PDZD2: variants seen among roughly 807,000 people sequenced by gnomAD.
The protein encoded by PDZD2 is PDZ domain-containing protein 2.
PDZD2 carries 90 observed loss-of-function variants against 220.7 expected under a neutral mutation model. The ratio of observed to expected loss-of-function variants is 0.41; its 90% CI spans 0.34 to 0.49. PDZD2 has a LOEUF of 0.49. Among genes scored for constraint, PDZD2 ranks in the 20% least tolerant of loss-of-function variants. The pLI is 0.28. For synonymous variants in PDZD2, 1,375 were observed against 1,450.5 expected (o/e 0.95, Z 1.18); for missense variants, 3,174 against 3,608.5 (o/e 0.88, Z 3.08).
At chr5:31,751,194 T>G (rs142725006) in intron 1 of PDZD2, among the ~76,000 whole-genome samples, 2,771 of 145,826 alleles carry the variant, frequency 0.019, 76 homozygotes, top group African/African-American at 0.066. Flanking sequence ...TGAGCCAAGA[T>G]CACACCATTG....
At chr5:31,778,500 A>G (rs1173196225) in intron 1 of PDZD2, among the ~76,000 whole-genome samples, 7 of 151,478 alleles carry the variant, frequency 4.6e-5, no homozygotes, top group African/African-American at 1.7e-4. Flanking sequence ...ACAACTCTGG[A>G]CGGGAGGAAC....
chr5:31,956,926 TG>T (rs1367559873), intron 2 of PDZD2, among the ~76,000 whole-genome samples: 1 of 152,194 alleles, frequency 6.6e-6, no homozygotes, highest in Non-Finnish European at 1.5e-5. Flanking sequence ...GGTCTTTCTC[TG>T]TCACCCAGGC....
At position 31,745,746 on chromosome 5, in the gene PDZD2, T is replaced by C. The variant is rs192130412; in HGVS notation, c.-360-53143T>C. On this transcript the variant is annotated intron_variant, in intron 1 of 24. Coordinates refer to ENST00000438447, the MANE Select transcript of PDZD2 (RefSeq NM_178140.4). ...TGTATTAGGTCACTGCGTCCTATCT[T>C]AGTGAATGTTCAGTGATCATCTTGT... 5.9e-5 allele frequency among the ~76,000 whole-genome samples: 9 copies of C among 152,266 alleles called. No individual in the cohort carries two copies. In the East Asian group the frequency reaches 1.7e-3, roughly 29 times the overall value.
At chr5:31,692,461 G>C (rs1034531227) in intron 1 of PDZD2, among the ~76,000 whole-genome samples, 1 of 152,256 alleles carries the variant, frequency 6.6e-6, no homozygotes, top group African/African-American at 2.4e-5. Flanking sequence ...CAAAGTGGGA[G>C]CCCAGGCAGA....
intron 2 of PDZD2, among the ~76,000 whole-genome samples, chr5:31,811,395 G>T (rs1755100576): frequency 6.6e-6 from 1 of 152,200 alleles, no homozygotes; most frequent in Non-Finnish European, 1.5e-5. Context: ...TGCAGTGATG[G>T]TGTAATAGCT....
chr5:31,724,602 CAAAAA>C (rs35523154), intron 1 of PDZD2, among the ~76,000 whole-genome samples: 1 of 61,014 alleles, frequency 1.6e-5, no homozygotes, highest in East Asian at 5.9e-4. Flanking sequence ...AATTCCGTCT[CAAAAA>C]AAAAAAAAAA....
intron 2 of PDZD2, among the ~76,000 whole-genome samples, chr5:31,935,124 G>A (rs1223616811): frequency 6.6e-6 from 1 of 151,500 alleles, no homozygotes; most frequent in African/African-American, 2.4e-5. Context: ...ATGGCTGCAA[G>A]AAGTAAACAG....
intron 21 of PDZD2, among the ~76,000 whole-genome samples, chr5:32,094,353 A>G (rs1270762818): frequency 1.3e-5 from 2 of 152,242 alleles, no homozygotes; most frequent in Non-Finnish European, 2.9e-5. Context: ...TTTGAACCCT[A>G]ATGAATGAAT....
intron 1 of PDZD2, among the ~76,000 whole-genome samples, chr5:31,694,100 G>C (rs1157451808): frequency 6.6e-6 from 1 of 152,110 alleles, no homozygotes; most frequent in African/African-American, 2.4e-5. Context: ...AGAATGTCAG[G>C]AACAAAACAG....
intron 10 of PDZD2, among the ~76,000 whole-genome samples, chr5:32,054,636 T>G (rs1738928439): frequency 6.6e-6 from 1 of 152,262 alleles, no homozygotes; most frequent in Admixed American, 6.5e-5. Context: ...TAAATGAACA[T>G]CTTTTAATTC....
At chr5:31,819,569 G>A (rs1420169543) in intron 2 of PDZD2, among the ~76,000 whole-genome samples, 1 of 148,908 alleles carries the variant, frequency 6.7e-6, no homozygotes, top group Admixed American at 6.9e-5. Context: ...AGACAGGAGA[G>A]TCGTTCGAAC....
At chr5:32,105,618 GTGT>G (rs1744686043) in intron 24 of PDZD2, among the ~76,000 whole-genome samples, 1 of 152,180 alleles carries the variant, frequency 6.6e-6, no homozygotes, top group Non-Finnish European at 1.5e-5. Flanking sequence ...CTCAAAAACA[GTGT>G]TGAATGAAAA....
intron 19 of PDZD2, among the ~76,000 whole-genome samples, chr5:32,078,637 T>TAAAAA (rs1363637479): frequency 3.3e-5 from 1 of 30,264 alleles, no homozygotes. Flanking sequence ...GTCTCAAAAA[T>TAAAAA]TAAAAAAAAA....
chr5:31,858,115 C>A (rs182920127), intron 2 of PDZD2, among the ~76,000 whole-genome samples: 26 of 152,046 alleles, frequency 1.7e-4, no homozygotes, highest in African/African-American at 3.4e-4. Context: ...TGTGAGCCAC[C>A]GCACCTGGCC....
intron 1 of PDZD2, among the ~76,000 whole-genome samples, chr5:31,688,099 G>A (rs1398434294): frequency 1.3e-5 from 2 of 152,130 alleles, no homozygotes; most frequent in Non-Finnish European, 2.9e-5. Flanking sequence ...ATATCCAGTG[G>A]GGTCTAGTGT....
chr5:31,929,916 C>T (rs778198362), intron 2 of PDZD2, among the ~76,000 whole-genome samples: 1 of 152,138 alleles, frequency 6.6e-6, no homozygotes. Flanking sequence ...GGAGGATCCC[C>T]CGTGAATGGC....
At chr5:31,862,395 T>A (rs771254619) in intron 2 of PDZD2, among the ~76,000 whole-genome samples, 3 of 151,970 alleles carry the variant, frequency 2.0e-5, no homozygotes, top group Non-Finnish European at 4.4e-5. Flanking sequence ...TGAGCCACCA[T>A]GCCAGGCCCA....
chr5:31,869,547 G>C (rs937575607), intron 2 of PDZD2, among the ~76,000 whole-genome samples: 3 of 151,882 alleles, frequency 2.0e-5, no homozygotes, highest in Non-Finnish European at 4.4e-5. Context: ...CTGGGCGACA[G>C]AGCGAGACTC....
chr5:31,865,340 T>A (rs1373939420), intron 2 of PDZD2, among the ~76,000 whole-genome samples: 2 of 152,024 alleles, frequency 1.3e-5, no homozygotes, highest in African/African-American at 4.8e-5. Flanking sequence ...TGAGACAAGG[T>A]CTTGCTCTTT....
Sources: gnomAD v4.1 joint callset for allele counts (sites outside exome capture counted in the v4.1 genomes callset) on GRCh38, gnomAD v4.1.1 for gene constraint, MANE v1.5 for transcripts, NCBI Gene and HGNC (gene_info 2026-07-23, HGNC 2026-07-21) for gene names.